Variants in GGT1 observed in about 807,000 individuals in gnomAD.
GGT1 encodes glutathione hydrolase 1 proenzyme.
In GGT1, 21 loss-of-function variants were observed where a neutral mutation model predicts 56.0. That is an observed-to-expected ratio of 0.38 (90% CI 0.27 to 0.54). GGT1 has a LOEUF of 0.54. GGT1 is among the 20% of genes least tolerant of loss of function. GGT1 has a pLI of 0.82. For missense variants in GGT1, 466 were observed against 787.0 expected (o/e 0.59, Z 4.88); for synonymous variants, 238 against 342.6 (o/e 0.69, Z 3.37).
At chr22:24,592,896 CT>C, upstream of GGT1, 1 of 1,281,506 alleles carries the variant, frequency 7.8e-7, no homozygotes, top group Non-Finnish European at 9.9e-7. Flanking sequence ...GCCGGGCGCG[CT>C]CCGGCCGCCG....
intron 5 of GGT1, among the ~76,000 whole-genome samples, chr22:24,613,782 A>G (rs1173031667): frequency 2.0e-5 from 3 of 149,874 alleles, no homozygotes; most frequent in Non-Finnish European, 3.0e-5. Context: ...GAAAAGAAAA[A>G]GAGGAAACTG....
chr22:24,626,118 A>G (rs1457395226), intron 11 of GGT1, among the ~76,000 whole-genome samples: 7 of 141,864 alleles, frequency 4.9e-5, no homozygotes, highest in Non-Finnish European at 7.5e-5. Flanking sequence ...TCAGCCCCCC[A>G]AGTAGCTGGG....
chr22:24,595,518 T>C (rs758950560), intron 1 of GGT1, among the ~76,000 whole-genome samples: 32 of 152,204 alleles, frequency 2.1e-4, no homozygotes, highest in Non-Finnish European at 3.4e-4. Context: ...TTCCCGGGGC[T>C]GATGTGGAAG....
chr22:24,605,590 T>C lies in GGT1; in HGVS notation c.-429+2063T>C, dbSNP rs1234035652. 1.1e-4 allele frequency among the ~76,000 whole-genome samples: 6 copies of C among 54,654 alleles called. 2 individuals carry two copies. In the East Asian group the frequency reaches 2.7e-3, roughly 25 times the overall value. 35.9% of individuals were successfully genotyped at this position (54,654 alleles called of 152,430 possible). ...TATATAATGTGTATTATATATATAA[T>C]ATTATATAATGTGTATTATATATAT... On this transcript the variant is annotated intron_variant, in intron 1 of 15. Transcript: ENST00000400382.
chr22:24,605,096 T>A lies in GGT1; in HGVS notation c.-429+1569T>A, dbSNP rs2045972345. On this transcript the variant is annotated intron_variant, in intron 1 of 15. Transcript: ENST00000400382. ...ATAATATATAAAGTATATTATATAA[T>A]ATGTATTATATTATATATTATATAA... is the stretch of plus-strand genomic sequence containing the variant. Among the ~76,000 whole-genome samples, 6 of 33,990 alleles carry A rather than the reference T, an allele frequency of 1.8e-4. 1 individual carries two copies. Among genetic ancestry groups the A allele is most frequent in the Admixed American group, 5.5e-4 (1 of 1,812 alleles). The allele number at this position is 33,990 out of a possible 152,430, so 22.3% of individuals were successfully genotyped here.
At chr22:24,601,306 A>T (rs1415810698), upstream of GGT1, among the ~76,000 whole-genome samples, 1 of 152,092 alleles carries the variant, frequency 6.6e-6, no homozygotes, top group African/African-American at 2.4e-5. Flanking sequence ...GGCCCTCACC[A>T]TGGCCCACTC....
In GGT1 at chr22:24,609,825, G is replaced by A. The variant is rs374980970; in HGVS notation, c.-358-140G>A. The A allele has an allele frequency of 9.3e-5, 34 of 363,722 alleles. No homozygotes were observed. The East Asian group carries it at 2.6e-3, about 28-fold the overall frequency. The allele number at this position is 363,722 out of a possible 1,614,324, so 22.5% of individuals were successfully genotyped here. A position where few individuals can be genotyped will look rare whatever the true frequency, so the allele number is the denominator to read the frequency against. On this transcript the variant is annotated intron_variant, in intron 2 of 15. Coordinates refer to ENST00000400382, the MANE Select transcript of GGT1 (RefSeq NM_001288833.2). ...GCACAGCCTGGAAGGGAGTCCACAGGGGACATACAGTGAGCAAGAGACCTG... is the reference window on the plus strand; with the variant it reads ...GCACAGCCTGGAAGGGAGTCCACAGAGGACATACAGTGAGCAAGAGACCTG...
intron 7 of GGT1, among the ~76,000 whole-genome samples, chr22:24,618,802 C>G (rs1033878769): frequency 6.6e-6 from 1 of 152,100 alleles, no homozygotes; most frequent in Non-Finnish European, 1.5e-5. Flanking sequence ...CCAAATGGCC[C>G]CATCATCTCT....
At chr22:24,589,602 A>G in the GGT1 span, 1 of 586,450 alleles carries the variant, frequency 1.7e-6, no homozygotes, top group East Asian at 3.5e-5. Flanking sequence ...TCTGCCCAGG[A>G]CTCTGAGGGT....
chr22:24,613,875 C>T (rs1322439227), intron 5 of GGT1, among the ~76,000 whole-genome samples: 4 of 152,088 alleles, frequency 2.6e-5, no homozygotes, highest in African/African-American at 7.2e-5. Flanking sequence ...CATAGAAAGA[C>T]CCTATCTCTA....
At chr22:24,592,716 G>C (rs1156494482), upstream of GGT1, 7 of 1,293,268 alleles carry the variant, frequency 5.4e-6, no homozygotes, top group Non-Finnish European at 7.0e-6. Flanking sequence ...CGCGCCCTCG[G>C]AACCCGCCTG....
chr22:24,593,744 G>A (rs1219458103), upstream of GGT1, among the ~76,000 whole-genome samples: 1 of 150,236 alleles, frequency 6.7e-6, no homozygotes, highest in Non-Finnish European at 1.5e-5. Flanking sequence ...CCGAGATGGC[G>A]CCACCGCACT....
At chr22:24,605,037 A>ATATATATATATATATATAT (rs1569047530) in intron 1 of GGT1, among the ~76,000 whole-genome samples, 1 of 50,042 alleles carries the variant, frequency 2.0e-5, no homozygotes, top group Non-Finnish European at 3.3e-5. Flanking sequence ...TATATATATA[A>ATATATATATATATATATAT]AATATGTAAT....
chr22:24,603,532 GCAGAGC>G lies in GGT1; in HGVS notation c.-429+7_-429+12del, dbSNP rs1015862629. Reference sequence around the variant, plus strand: ...TCCTGCAGAAGGATCCCACAGGTGGGCAGAGCCCTGGGTTCTTTATCCGACTGGGTC... The same window carrying G: ...TCCTGCAGAAGGATCCCACAGGTGGGCCTGGGTTCTTTATCCGACTGGGTC... On this transcript the variant is annotated splice_donor_region_variant and intron_variant, in intron 1 of 15. Transcript: ENST00000400382. 5 of 152,398 alleles carry G rather than the reference GCAGAGC, an allele frequency of 3.3e-5. No individual in the cohort carries two copies. Among genetic ancestry groups the G allele is most frequent in the Admixed American group, 3.3e-4 (5 of 15,280 alleles). 9.4% of individuals were successfully genotyped at this position (152,398 alleles called of 1,614,324 possible).
chr22:24,625,856 CAGT>C lies in GGT1; in HGVS notation c.1021-1572_1021-1570del, dbSNP rs577975336. Among the ~76,000 whole-genome samples, 371 of 150,430 alleles carry C rather than the reference CAGT, an allele frequency of 2.5e-3. 1 individual carries two copies. Among genetic ancestry groups the C allele is most frequent in the African/African-American group, 9.0e-3 (363 of 40,508 alleles). On this transcript the variant is annotated intron_variant, in intron 11 of 15. Coordinates refer to ENST00000400382, the MANE Select transcript of GGT1 (RefSeq NM_001288833.2). ...TTTTGTTGATTTTTAAAGCCCAGGG[CAGT>C]AGTCTTGGAAAATGTCCCACATCGT...
At position 24,628,742 on chromosome 22, in the gene GGT1, C is replaced by T. The variant is rs1265621653; in HGVS notation, c.1613C>T (p.Ser538Phe). 2.5e-6 allele frequency: 4 copies of T among 1,609,084 alleles called. No homozygotes were observed. Among genetic ancestry groups the T allele is most frequent in the South Asian group, 1.1e-5 (1 of 90,942 alleles). Residue 538 changes from serine (S) to phenylalanine (F), a missense_variant, in exon 16 of 16, where the codon TCC becomes TTC. Transcript: ENST00000400382. The surrounding 1 kb of genome is among the most constrained non-coding windows in gnomAD (Gnocchi z 5.7). ...CGGCACCATCACACCCAGATCGCGTCCACCTTCATCGCTGTGGTGCAAGCC... is the reference window on the plus strand; with the variant it reads ...CGGCACCATCACACCCAGATCGCGTTCACCTTCATCGCTGTGGTGCAAGCC... ...ETRHHHTQIA[S>F]TFIAVVQAIV...
chr22:24,596,571 A>C (rs1298773948), intron 1 of GGT1, among the ~76,000 whole-genome samples: 1 of 151,918 alleles, frequency 6.6e-6, no homozygotes, highest in Non-Finnish European at 1.5e-5. Context: ...ATTATGAGTG[A>C]GTGCCACCAT....
the GGT1 span, among the ~76,000 whole-genome samples, chr22:24,588,001 G>C: frequency 6.6e-6 from 1 of 152,166 alleles, no homozygotes; most frequent in Non-Finnish European, 1.5e-5. Flanking sequence ...TGTGGGAAAT[G>C]CCAAACGGGT....
In GGT1 at chr22:24,614,925, G is replaced by A. The variant is rs755785776; in HGVS notation, c.295+19G>A. On this transcript the variant is annotated intron_variant, in intron 6 of 15. Coordinates refer to ENST00000400382, the MANE Select transcript of GGT1 (RefSeq NM_001288833.2). ...ACCACACGTGAGTGCCTCGGGAGAGGAGAGGGAGAGGGGCAGGGGGTGTGG... is the reference window on the plus strand; with the variant it reads ...ACCACACGTGAGTGCCTCGGGAGAGAAGAGGGAGAGGGGCAGGGGGTGTGG... 14 of 1,609,264 alleles carry A rather than the reference G, an allele frequency of 8.7e-6. No homozygotes were observed. Among genetic ancestry groups the A allele is most frequent in the South Asian group, 1.1e-5 (1 of 90,974 alleles).
Sources: allele counts gnomAD v4.1 joint callset (sites outside exome capture counted in the v4.1 genomes callset), GRCh38; gene constraint gnomAD v4.1.1; non-coding constraint Gnocchi (gnomAD v3.1); transcripts MANE v1.5; gene names NCBI Gene and HGNC (gene_info 2026-07-23, HGNC 2026-07-21).